The following POLR2E variants were observed in gnomAD, a reference collection of about 807,000 sequenced individuals.
POLR2E encodes the protein RNA polymerase II, I and III subunit E, also known as DNA-directed RNA polymerases I, II, and III subunit RPABC1.
In POLR2E, 35 loss-of-function variants were observed where a neutral mutation model predicts 29.8. That is an observed-to-expected ratio of 1.17 (90% CI 0.90 to 1.55). The LOEUF is 1.55. Ranked by LOEUF, POLR2E falls within the 40% of genes most tolerant of loss-of-function variation. POLR2E has a pLI of 0.00. For synonymous variants in POLR2E, 174 were observed against 112.6 expected (o/e 1.55, Z -3.45); for missense variants, 287 against 288.6 (o/e 0.99, Z 0.04).
Position 1,088,375 on chromosome 19 carries a change from G to C in POLR2E, c.*360C>G, listed in dbSNP as rs1169725075. The C allele has an allele frequency of 1.3e-5, 2 of 152,406 alleles. No homozygotes were observed. Among genetic ancestry groups the C allele is most frequent in the Non-Finnish European group, 2.9e-5 (2 of 68,138 alleles). 9.4% of individuals were successfully genotyped at this position (152,406 alleles called of 1,614,324 possible). A position where few individuals can be genotyped will look rare whatever the true frequency, so the allele number is the denominator to read the frequency against. On this transcript the variant is annotated 3_prime_UTR_variant, in exon 8 of 8. Coordinates refer to ENST00000615234, the MANE Select transcript of POLR2E (RefSeq NM_002695.5). Reference sequence around the variant, plus strand: ...GAGGGAAGACGAGGGGTGGAAGGCCGAGGGCCCAGGAGGAAGCAGTGGCTG... The same window carrying C: ...GAGGGAAGACGAGGGGTGGAAGGCCCAGGGCCCAGGAGGAAGCAGTGGCTG...
intron 1 of POLR2E, 108 bp downstream of exon 1, chr19:1,095,151 C>G (rs2043913675): frequency 8.3e-7 from 1 of 1,197,978 alleles, no homozygotes; most frequent in Non-Finnish European, 1.2e-6. Flanking sequence ...CCCGGCCCTT[C>G]ATCGCTGCTG....
rs367958813 is a variant in POLR2E, at chr19:1,095,361, G to T, written c.-46C>A. 1.2e-6 allele frequency: 2 copies of T among 1,609,568 alleles called. No individual in the cohort carries two copies. Among genetic ancestry groups the T allele is most frequent in the South Asian group, 2.2e-5 (2 of 90,882 alleles). ...CCGCTCGCACCCCTTCTCCGCGCGAGAACCCGCGCGGACTGCGCCTGCGCC... is the reference window on the plus strand; with the variant it reads ...CCGCTCGCACCCCTTCTCCGCGCGATAACCCGCGCGGACTGCGCCTGCGCC... On this transcript the variant is annotated 5_prime_UTR_variant, in exon 1 of 8. Transcript: ENST00000615234.
intron 1 of POLR2E, chr19:1,094,309 A>G (rs2043898205): frequency 1.8e-5 from 9 of 490,310 alleles, no homozygotes; most frequent in Non-Finnish European, 3.2e-5. Context: ...CTTGACCAAG[A>G]CCGTCTGTCC....
At chr19:1,090,046 G>A (rs1165582476) in intron 5 of POLR2E, 41 bp downstream of exon 5, 1 of 1,585,510 alleles carries the variant, frequency 6.3e-7, no homozygotes, top group African/African-American at 1.3e-5. Flanking sequence ...GAAGTCTCGA[G>A]GGACAGGGAG....
At chr19:1,091,242 AG>A (rs2043822224) in intron 3 of POLR2E, among the ~76,000 whole-genome samples, 2 of 152,220 alleles carry the variant, frequency 1.3e-5, no homozygotes, top group South Asian at 4.1e-4. Context: ...ACACGCTTCC[AG>A]GGGCGGCCCT....
chr19:1,088,871 C>T (rs1039367325), intron 7 of POLR2E, among the ~76,000 whole-genome samples, 151 bp from the exon 8 acceptor site: 2 of 151,624 alleles, frequency 1.3e-5, no homozygotes, highest in African/African-American at 4.9e-5. Flanking sequence ...TTGTGCCCAG[C>T]GGTCACACAG....
intron 1 of POLR2E, chr19:1,094,399 G>A (rs1195004262): frequency 3.1e-6 from 1 of 327,520 alleles, no homozygotes; most frequent in Non-Finnish European, 5.6e-6. Flanking sequence ...AGGGACAAAG[G>A]CGGGGCGCGG....
At chr19:1,091,235 C>G (rs112645964) in intron 3 of POLR2E, among the ~76,000 whole-genome samples, 94 of 152,362 alleles carry the variant, frequency 6.2e-4, no homozygotes, top group African/African-American at 2.2e-3. Flanking sequence ...ATCCATCACA[C>G]GCTTCCAGGG....
chr19:1,094,459 T>G, intron 1 of POLR2E: 1 of 215,922 alleles, frequency 4.6e-6, no homozygotes, highest in Middle Eastern at 1.5e-3. Context: ...GCAGGAGGGT[T>G]GCTGGAGGCC....
chr19:1,089,795 G>C, intron 6 of POLR2E, 89 bp downstream of exon 6: 1 of 1,084,648 alleles, frequency 9.2e-7, no homozygotes, highest in Non-Finnish European at 1.4e-6. Context: ...GGATCAAGGG[G>C]GAGGGGCTGT....
rs138106261 is a variant in POLR2E at position 1,094,069 on chromosome 19, C to T, written c.67G>A (p.Asp23Asn). ...TCCTGGGTCACCAGATAGCCACGGT[C>T]GTGGCACAGCTGCAGAGAGAAAGAA... Reference protein sequence around the residue: ...IRKTIMQLCHDRGYLVTQDEL... With the variant: ...IRKTIMQLCHNRGYLVTQDEL... The change falls in exon 2 of 8, where the codon GAC becomes AAC. Residue 23 changes from aspartate (D) to asparagine (N), a missense_variant. By Grantham distance (23) the Asp-to-Asn change is conservative (BLOSUM62 1). Coordinates refer to ENST00000615234, the MANE Select transcript of POLR2E (RefSeq NM_002695.5). 4.3e-6 allele frequency: 7 copies of T among 1,610,304 alleles called. No homozygotes were observed. In the African/African-American group the frequency reaches 9.4e-5, roughly 22 times the overall value.
rs1204301510 is a variant in POLR2E at position 1,086,706 on chromosome 19, CAGAG to C, written c.*2025_*2028del. On this transcript the variant is annotated 3_prime_UTR_variant, in exon 8 of 8. Transcript: ENST00000615234. ...TTAGAAGAAGGGGCCAGGGAGGGGA[CAGAG>C]AGAGCCCCGTGGCGTGGCCCTGGGC... 11 of 151,886 alleles carry C rather than the reference CAGAG, an allele frequency of 7.2e-5. No homozygotes were observed. The highest frequency in any genetic ancestry group is 1.2e-4 in the Non-Finnish European group (8 of 67,690). 9.4% of individuals were successfully genotyped at this position (151,886 alleles called of 1,614,324 possible).
chr19:1,091,942 T>C (rs757207127), intron 2 of POLR2E, 35 bp from the exon 3 acceptor site: 20 of 1,464,634 alleles, frequency 1.4e-5, no homozygotes, highest in Non-Finnish European at 1.8e-5. Context: ...TGCACGAGCC[T>C]GGGCCCTCGT....
At chr19:1,095,216 C>T (rs375467536) in intron 1 of POLR2E, 43 bp downstream of exon 1, 118 of 1,603,910 alleles carry the variant, frequency 7.4e-5, no homozygotes, top group Non-Finnish European at 9.1e-5. Flanking sequence ...GGCCCCTACA[C>T]CCGCCGCCCG....
intron 7 of POLR2E, 97 bp downstream of exon 7, chr19:1,089,375 G>A: frequency 1.2e-6 from 1 of 815,048 alleles, no homozygotes; most frequent in Non-Finnish European, 2.0e-6. Context: ...GGAGGGTCTT[G>A]CTGCCGGACA....
In POLR2E at chr19:1,093,916, C is replaced by A. The variant is rs1309943323; in HGVS notation, c.220G>T (p.Val74Leu). Reference sequence around the variant, plus strand: ...ACCCGCTGCTCACCTGGAAAGAACACAAACATCTGGTCGGTGGGGTCATCG... The same window carrying A: ...ACCCGCTGCTCACCTGGAAAGAACAAAAACATCTGGTCGGTGGGGTCATCG... ...HNDDPTDQMF[V>L]FFPEEPKVGI... The change falls in exon 2 of 8, where the codon GTG becomes TTG. Residue 74 changes from valine (V) to leucine (L), a missense_variant. Val to Leu is a conservative substitution (Grantham distance 32, BLOSUM62 1). Coordinates refer to ENST00000615234, the MANE Select transcript of POLR2E (RefSeq NM_002695.5). 1.9e-6 allele frequency: 3 copies of A among 1,601,260 alleles called. No homozygotes were observed. The highest frequency in any genetic ancestry group is 1.7e-6 in the Non-Finnish European group (2 of 1,173,398).
rs549138383 is a variant in POLR2E, at chr19:1,093,344, G to A, written c.232+560C>T. On this transcript the variant is annotated intron_variant, in intron 2 of 7. Coordinates refer to ENST00000615234, the MANE Select transcript of POLR2E (RefSeq NM_002695.5). ...CGCTGAGGGCTTTAGAGCCATACTA[G>A]GGAGGCAGACAGGTGCGGAGACTTC... 1.2e-4 allele frequency among the ~76,000 whole-genome samples: 19 copies of A among 152,382 alleles called. No homozygotes were observed. The South Asian group carries it at 3.9e-3, about 32-fold the overall frequency.
At position 1,095,365 on chromosome 19, in the gene POLR2E, C is replaced by T. The variant is rs752499415; in HGVS notation, c.-50G>A. Reference sequence around the variant, plus strand: ...TCGCACCCCTTCTCCGCGCGAGAACCCGCGCGGACTGCGCCTGCGCCGAAT... The same window carrying T: ...TCGCACCCCTTCTCCGCGCGAGAACTCGCGCGGACTGCGCCTGCGCCGAAT... On this transcript the variant is annotated 5_prime_UTR_variant, in exon 1 of 8. Transcript: ENST00000615234. The T allele has an allele frequency of 5.0e-6, 8 of 1,606,120 alleles. No individual in the cohort carries two copies. The highest frequency in any genetic ancestry group is 4.5e-5 in the East Asian group (2 of 44,794).
chr19:1,091,795 C>G lies in POLR2E; in HGVS notation c.345G>C (p.Lys115Asn), dbSNP rs963286964. The change falls in exon 3 of 8, where the codon AAG becomes AAC. Residue 115 changes from lysine (K) to asparagine (N), a missense_variant. Coordinates refer to ENST00000615234, the MANE Select transcript of POLR2E (RefSeq NM_002695.5). The stretch of plus-strand genomic sequence containing the variant: ...GGGGTGGGGCAGGGGTGCCCACCTG[C>G]TTGGCGGAGGGTGTCATGCCCTGCT... The part of the protein sequence containing the change: ...VVQQGMTPSA[K>N]QSLVDMAPKY... The G allele has an allele frequency of 3.1e-6, 5 of 1,603,862 alleles. No homozygotes were observed. The Admixed American group carries it at 8.3e-5, about 27-fold the overall frequency.
Sources: allele counts gnomAD v4.1 joint callset (sites outside exome capture counted in the v4.1 genomes callset), GRCh38; gene constraint gnomAD v4.1.1; transcripts MANE v1.5; gene names NCBI Gene and HGNC (gene_info 2026-07-23, HGNC 2026-07-21).